EZH2: variants seen among roughly 807,000 people sequenced by gnomAD.
EZH2 encodes histone-lysine N-methyltransferase EZH2.
In EZH2, 18 loss-of-function variants were observed where a neutral mutation model predicts 98.4. The observed-to-expected ratio is 0.18, with a 90% CI of 0.13 to 0.27. The LOEUF (loss-of-function observed/expected upper bound fraction) is 0.27, where lower values mean the gene tolerates loss of function less well. Ranked by LOEUF, EZH2 falls within the 10% of genes least tolerant of loss-of-function variation. The pLI, the probability that EZH2 is intolerant of heterozygous loss-of-function variation, is 1.00. For missense variants in EZH2, 470 were observed against 935.1 expected, an observed-to-expected ratio of 0.50 and a Z score of 6.49; for synonymous variants, 338 against 312.3, an observed-to-expected ratio of 1.08 and a Z score of -0.87.
At chr7:148,851,218 G>A (rs1388465000) in intron 1 of EZH2, among the ~76,000 whole-genome samples, 1 of 152,078 alleles carries the variant, frequency 6.6e-6, no homozygotes, top group African/African-American at 2.4e-5. Flanking sequence ...CTATTATCAA[G>A]AAACCCCCCG....
intron 1 of EZH2, among the ~76,000 whole-genome samples, chr7:148,882,203 G>A (rs1048752713): frequency 6.6e-6 from 1 of 152,064 alleles, no homozygotes; most frequent in Non-Finnish European, 1.5e-5. Context: ...CAAAATATAT[G>A]TAATAAATTT....
At chr7:148,871,403 T>TAAAAAAAAAAAAGAAAAAAAA (rs1819364707) in intron 1 of EZH2, among the ~76,000 whole-genome samples, 1 of 88,752 alleles carries the variant, frequency 1.1e-5, no homozygotes, top group African/African-American at 4.3e-5. Flanking sequence ...GACGAATAAT[T>TAAAAAAAAAAAAGAAAAAAAA]AAAAAAAAAA....
intron 1 of EZH2, among the ~76,000 whole-genome samples, chr7:148,862,002 C>T (rs1817747891): frequency 6.6e-6 from 1 of 152,104 alleles, no homozygotes; most frequent in African/African-American, 2.4e-5. Context: ...GTTTGAATAG[C>T]CTTCTGAGGT....
intron 3 of EZH2, among the ~76,000 whole-genome samples, chr7:148,833,798 T>C (rs1489818752): frequency 1.3e-5 from 2 of 152,124 alleles, no homozygotes; most frequent in African/African-American, 4.8e-5. Flanking sequence ...GAGAAAACTA[T>C]AGAAAAGAAA....
At chr7:148,818,201 G>C in intron 9 of EZH2, 84 bp from the exon 10 acceptor site, 2 of 1,383,522 alleles carry the variant, frequency 1.4e-6, no homozygotes, top group South Asian at 1.6e-5. Context: ...ATATAAGCCA[G>C]GTTAGTCAAA....
chr7:148,835,625 T>C (rs1352248906), intron 3 of EZH2, among the ~76,000 whole-genome samples: 1 of 151,926 alleles, frequency 6.6e-6, no homozygotes. Flanking sequence ...TGACTTAAAG[T>C]ACAAAACAAT....
At chr7:148,861,025 G>A (rs1817588961) in intron 1 of EZH2, among the ~76,000 whole-genome samples, 1 of 151,880 alleles carries the variant, frequency 6.6e-6, no homozygotes, top group East Asian at 1.9e-4. Context: ...TATCCATGGG[G>A]GTCTAGGGGG....
At position 148,876,859 on chromosome 7, in the gene EZH2, C is replaced by T. The variant is rs1004068890; in HGVS notation, c.-8+7305G>A. ...TTTACAACTCTTTTAAAAGTGTTAA[C>T]GTTTCCAGCTCACAGGCCTTACCAA... On this transcript the variant is annotated intron_variant, in intron 1 of 19. Transcript: ENST00000320356. Among the ~76,000 whole-genome samples the T allele has an allele frequency of 4.6e-5, 7 of 152,118 alleles. No individual in the cohort carries two copies. In the East Asian group the frequency reaches 7.7e-4, roughly 17 times the overall value.
chr7:148,847,766 G>A (rs1448263675), intron 1 of EZH2, among the ~76,000 whole-genome samples: 1 of 152,142 alleles, frequency 6.6e-6, no homozygotes, highest in African/African-American at 2.4e-5. Flanking sequence ...ACTAAAAGTA[G>A]AAAACATACA....
chr7:148,854,739 G>A (rs1317568088), intron 1 of EZH2, among the ~76,000 whole-genome samples: 1 of 152,122 alleles, frequency 6.6e-6, no homozygotes, highest in Non-Finnish European at 1.5e-5. Context: ...TGCCAATTTT[G>A]ATAACTCTCC....
intron 8 of EZH2, among the ~76,000 whole-genome samples, chr7:148,823,262 T>TA (rs1806694152): frequency 3.3e-5 from 5 of 152,288 alleles, no homozygotes; most frequent in Middle Eastern, 6.8e-3. Flanking sequence ...CAGGTAAACT[T>TA]AAACTTGCAT....
chr7:148,871,250 T>C (rs1819330190), intron 1 of EZH2, among the ~76,000 whole-genome samples: 1 of 151,912 alleles, frequency 6.6e-6, no homozygotes, highest in Non-Finnish European at 1.5e-5. Context: ...GGTAGGACTG[T>C]AAAAATCGTG....
chr7:148,862,982 G>A (rs1817915507), intron 1 of EZH2, among the ~76,000 whole-genome samples: 1 of 150,982 alleles, frequency 6.6e-6, no homozygotes, highest in South Asian at 2.1e-4. Context: ...TTTCTGGGAG[G>A]TTGAGACACA....
At chr7:148,865,125 C>CA (rs201434328) in intron 1 of EZH2, among the ~76,000 whole-genome samples, 6,365 of 92,176 alleles carry the variant, frequency 0.069, 189 homozygotes, top group African/African-American at 0.11. Context: ...AGACTTGTCT[C>CA]AAAAAAAAAA....
intron 8 of EZH2, among the ~76,000 whole-genome samples, chr7:148,825,639 A>G (rs1807479645): frequency 6.6e-6 from 1 of 152,234 alleles, no homozygotes; most frequent in Non-Finnish European, 1.5e-5. Flanking sequence ...ACAGGAACTC[A>G]AAACAACAAA....
At chr7:148,819,158 T>TA (rs1805324897) in intron 9 of EZH2, 10 of 415,388 alleles carry the variant, frequency 2.4e-5, no homozygotes, top group East Asian at 7.0e-5. Flanking sequence ...TCTCCATCAT[T>TA]TAAAAAAAAA....
rs202213275 is a variant in EZH2, at chr7:148,807,814, T to A, written c.2196-108A>T. 202 of 399,970 alleles carry A rather than the reference T, an allele frequency of 5.1e-4. No individual in the cohort carries two copies. The highest frequency in any genetic ancestry group is 1.3e-3 in the South Asian group (34 of 25,690). The allele number at this position is 399,970 out of a possible 1,614,324, so 24.8% of individuals were successfully genotyped here. ...GATAGTGGGTGCATTAAAATGTCTT[T>A]AAAAAAAAAAAAAAAAAAAAAACCC... is the stretch of plus-strand genomic sequence containing the variant. On this transcript the variant is annotated intron_variant, in intron 19 of 19. Coordinates refer to ENST00000320356, the MANE Select transcript of EZH2 (RefSeq NM_004456.5).
At chr7:148,859,802 CTCAGTATA>C (rs1391601404) in intron 1 of EZH2, among the ~76,000 whole-genome samples, 1 of 152,098 alleles carries the variant, frequency 6.6e-6, no homozygotes, top group African/African-American at 2.4e-5. Context: ...TTAATGCAGG[CTCAGTATA>C]TCCGCAACGC....
intron 1 of EZH2, among the ~76,000 whole-genome samples, chr7:148,881,037 TA>T (rs1820881668): frequency 1.3e-5 from 2 of 152,376 alleles, no homozygotes; most frequent in South Asian, 4.1e-4. Flanking sequence ...TCTCTGAATT[TA>T]ATGAATTGCT....
Sources: allele counts gnomAD v4.1 joint callset (sites outside exome capture counted in the v4.1 genomes callset), GRCh38; gene constraint gnomAD v4.1.1; transcripts MANE v1.5; gene names NCBI Gene and HGNC (gene_info 2026-07-23, HGNC 2026-07-21).